The following WDFY3 variants were observed in gnomAD, a reference collection of about 807,000 sequenced individuals.
WDFY3 encodes the protein WD repeat and FYVE domain-containing protein 3.
WDFY3 carries 66 observed loss-of-function variants against 409.6 expected under a neutral mutation model. The observed-to-expected ratio is 0.16, with a 90% CI of 0.13 to 0.20. The LOEUF (loss-of-function observed/expected upper bound fraction) is 0.20, where lower values mean the gene tolerates loss of function less well. Among genes scored for constraint, WDFY3 ranks in the 10% least tolerant of loss-of-function variants. The pLI is 1.00. For missense variants in WDFY3, 3,031 were observed against 4,298.1 expected (o/e 0.71, Z 8.24); for synonymous variants, 1,521 against 1,537.1 (o/e 0.99, Z 0.25).
At chr4:84,897,294 A>C (rs1185508461) in intron 2 of WDFY3, among the ~76,000 whole-genome samples, 1 of 152,180 alleles carries the variant, frequency 6.6e-6, no homozygotes, top group Non-Finnish European at 1.5e-5. Flanking sequence ...AGAAATATAA[A>C]ATCATATGGT....
chr4:84,679,994 G>A (rs1306981711), intron 64 of WDFY3, among the ~76,000 whole-genome samples: 5 of 151,378 alleles, frequency 3.3e-5, no homozygotes, highest in South Asian at 2.1e-4. Flanking sequence ...GGGTTCAAGC[G>A]ATTCTCCTGC....
At chr4:84,961,608 A>G (rs1774926678) in intron 1 of WDFY3, among the ~76,000 whole-genome samples, 1 of 152,204 alleles carries the variant, frequency 6.6e-6, no homozygotes, top group Non-Finnish European at 1.5e-5. Flanking sequence ...CAGCCTTTAA[A>G]GGCTGCAGCC....
intron 2 of WDFY3, among the ~76,000 whole-genome samples, chr4:84,914,099 C>A (rs1454515301): frequency 6.6e-6 from 1 of 152,118 alleles, no homozygotes; most frequent in Non-Finnish European, 1.5e-5. Flanking sequence ...TGTTAATCAA[C>A]TGTTCATGTT....
At chr4:84,694,006 T>G (rs541538800) in intron 58 of WDFY3, among the ~76,000 whole-genome samples, 64 of 151,624 alleles carry the variant, frequency 4.2e-4, no homozygotes, top group Non-Finnish European at 7.4e-4. Context: ...GAGGAGGAGA[T>G]CTGAAAAACT....
chr4:84,821,803 CTG>C (rs936828914), intron 10 of WDFY3, among the ~76,000 whole-genome samples: 1 of 152,048 alleles, frequency 6.6e-6, no homozygotes, highest in African/African-American at 2.4e-5. Context: ...AAAAGTTAGA[CTG>C]TTTTAGAGGG....
chr4:84,718,680 C>T, intron 47 of WDFY3, 110 bp from the exon 48 acceptor site: 1 of 1,294,344 alleles, frequency 7.7e-7, no homozygotes, highest in Non-Finnish European at 1.0e-6. Context: ...AGAGTTTAAG[C>T]ATATTGAGAA....
intron 10 of WDFY3, among the ~76,000 whole-genome samples, chr4:84,825,868 T>G (rs1394588371): frequency 6.6e-6 from 1 of 152,162 alleles, no homozygotes; most frequent in Non-Finnish European, 1.5e-5. Context: ...TAAAAACTAT[T>G]AGAGGCCTCC....
At chr4:84,807,896 T>C (rs960551780) in intron 15 of WDFY3, among the ~76,000 whole-genome samples, 1 of 151,810 alleles carries the variant, frequency 6.6e-6, no homozygotes, top group Non-Finnish European at 1.5e-5. Flanking sequence ...TTCAGTGCTA[T>C]GAAATTCATT....
intron 17 of WDFY3, among the ~76,000 whole-genome samples, chr4:84,799,841 T>A (rs1750187090): frequency 1.3e-5 from 2 of 152,230 alleles, no homozygotes; most frequent in Non-Finnish European, 2.9e-5. Context: ...TGTACCATCA[T>A]TTGACTTCTT....
At chr4:84,796,253 A>G (rs1749422808) in intron 19 of WDFY3, among the ~76,000 whole-genome samples, 1 of 151,576 alleles carries the variant, frequency 6.6e-6, no homozygotes, top group African/African-American at 2.4e-5. Context: ...AAAAAAAAAA[A>G]TTTGCAAAAG....
intron 27 of WDFY3, among the ~76,000 whole-genome samples, chr4:84,776,266 A>T (rs1452808627): frequency 1.3e-5 from 2 of 151,992 alleles, no homozygotes; most frequent in Non-Finnish European, 2.9e-5. Flanking sequence ...AAATTCTAAA[A>T]CAATCACTAA....
Position 84,690,633 on chromosome 4 carries a change from C to T in WDFY3, c.9236G>A (p.Trp3079Ter). The T allele has an allele frequency of 6.2e-7, 1 of 1,613,936 alleles. No individual in the cohort carries two copies. Among genetic ancestry groups the T allele is most frequent in the Non-Finnish European group, 8.5e-7 (1 of 1,179,936 alleles). ...GCAGATTGCACAGAGAATCTGGCCC[C>T]ACTCAGACAAGCATTCATAAACAGT... ...AMTVYECLSE[W>*]GQILCAICPN... Residue 3079 changes from tryptophan to a stop codon, truncating the protein, a stop_gained, in exon 61 of 68, where the codon TGG becomes TAG. Transcript: ENST00000295888. LOFTEE classifies it high-confidence loss of function.
intron 21 of WDFY3, among the ~76,000 whole-genome samples, chr4:84,791,639 T>G (rs977949120): frequency 6.6e-6 from 1 of 152,182 alleles, no homozygotes. Flanking sequence ...TATGCTATGC[T>G]CAACGACACA....
chr4:84,767,376 A>G (rs937297810), intron 30 of WDFY3, among the ~76,000 whole-genome samples: 1 of 152,084 alleles, frequency 6.6e-6, no homozygotes, highest in Non-Finnish European at 1.5e-5. Context: ...CTGAGTCACA[A>G]TAATATCGAA....
intron 36 of WDFY3, among the ~76,000 whole-genome samples, chr4:84,746,352 A>G (rs1235514547): frequency 6.6e-6 from 1 of 152,034 alleles, no homozygotes; most frequent in African/African-American, 2.4e-5. Context: ...TTCATAATCA[A>G]CTCAAGGTGG....
intron 5 of WDFY3, 124 bp downstream of exon 5, chr4:84,849,778 G>C (rs904332070): frequency 7.6e-7 from 1 of 1,324,468 alleles, no homozygotes; most frequent in Non-Finnish European, 1.0e-6. Flanking sequence ...AAGGGAAAGG[G>C]AATGGGTAAA....
chr4:84,674,933 G>T (rs986826339), intron 67 of WDFY3, among the ~76,000 whole-genome samples: 3 of 151,424 alleles, frequency 2.0e-5, no homozygotes, highest in Admixed American at 1.3e-4. Flanking sequence ...GCTTTGAAAG[G>T]CCTGCTCTAT....
At chr4:84,783,862 TAC>T (rs137878462) in intron 24 of WDFY3, among the ~76,000 whole-genome samples, 6,476 of 140,494 alleles carry the variant, frequency 0.046, 165 homozygotes, top group Non-Finnish European at 0.067. Flanking sequence ...GTGTCATACA[TAC>T]ACACACACAC....
At chr4:84,822,267 A>G (rs1026440808) in intron 10 of WDFY3, among the ~76,000 whole-genome samples, 4 of 152,212 alleles carry the variant, frequency 2.6e-5, no homozygotes, top group Admixed American at 2.6e-4. Context: ...TGCCTGTAAA[A>G]GGAGTCCCCA....
Sources: gnomAD v4.1 joint callset for allele counts (sites outside exome capture counted in the v4.1 genomes callset) on GRCh38, gnomAD v4.1.1 for gene constraint, MANE v1.5 for transcripts, NCBI Gene and HGNC (gene_info 2026-07-23, HGNC 2026-07-21) for gene names.